The following AUTS2 variants were observed in gnomAD, a reference collection of about 807,000 sequenced individuals.
AUTS2 encodes the protein autism susceptibility gene 2 protein.
Under a neutral mutation model 112.4 loss-of-function variants are expected in AUTS2, and 17 were observed. The ratio of observed to expected loss-of-function variants is 0.15; its 90% confidence interval spans 0.10 to 0.23. The LOEUF (loss-of-function observed/expected upper bound fraction) is 0.23, where lower values mean the gene tolerates loss of function less well. Ranked by LOEUF, AUTS2 falls within the 10% of genes least tolerant of loss-of-function variation. AUTS2 has a pLI of 1.00. For missense variants in AUTS2, 1,510 were observed against 1,701.6 expected, an observed-to-expected ratio of 0.89 and a Z score of 1.98; for synonymous variants, 751 against 702.7, an observed-to-expected ratio of 1.07 and a Z score of -1.09.
At chr7:70,683,030 A>T (rs951075279) in intron 5 of AUTS2, among the ~76,000 whole-genome samples, 2 of 152,252 alleles carry the variant, frequency 1.3e-5, no homozygotes, top group East Asian at 3.8e-4. Context: ...TCATCAAAAC[A>T]GTCACACGTC....
chr7:69,632,596 T>TTCTCCCCTCTCCCC (rs1273979432), intron 1 of AUTS2, among the ~76,000 whole-genome samples: 4 of 125,826 alleles, frequency 3.2e-5, no homozygotes, highest in African/African-American at 1.2e-4. Flanking sequence ...CCCCTCTGCC[T>TTCTCCCCTCTCCCC]TCTCCCCTCT....
At chr7:69,950,811 A>G (rs147502733) in intron 2 of AUTS2, among the ~76,000 whole-genome samples, 215 of 152,244 alleles carry the variant, frequency 1.4e-3, no homozygotes, top group African/African-American at 5.1e-3. Context: ...TACTACATTT[A>G]CATATTTAGT....
At chr7:70,060,347 G>C (rs767595561) in intron 2 of AUTS2, among the ~76,000 whole-genome samples, 3 of 152,200 alleles carry the variant, frequency 2.0e-5, no homozygotes, top group Admixed American at 1.3e-4. Flanking sequence ...TTTTAAAATA[G>C]AGGAGAAAGC....
chr7:70,513,549 A>G (rs2116820887), intron 5 of AUTS2, among the ~76,000 whole-genome samples: 1 of 152,306 alleles, frequency 6.6e-6, no homozygotes, highest in South Asian at 2.1e-4. Context: ...AGCTTACTCC[A>G]TCTCAAATGG....
chr7:70,550,420 G>A (rs1460957877), intron 5 of AUTS2, among the ~76,000 whole-genome samples: 3 of 152,042 alleles, frequency 2.0e-5, no homozygotes, highest in Non-Finnish European at 4.4e-5. Flanking sequence ...GAAGGATGGG[G>A]GGATTGCCAA....
chr7:69,862,551 T>C (rs944763426), intron 1 of AUTS2, among the ~76,000 whole-genome samples: 7 of 151,918 alleles, frequency 4.6e-5, no homozygotes, highest in African/African-American at 1.7e-4. Flanking sequence ...TCTCTTTTGC[T>C]TTTTTTTAGG....
chr7:70,582,434 A>G (rs1262996416), intron 5 of AUTS2, among the ~76,000 whole-genome samples: 1 of 152,240 alleles, frequency 6.6e-6, no homozygotes, highest in African/African-American at 2.4e-5. Flanking sequence ...GAATGGCTGC[A>G]TGTGGAGAGT....
intron 5 of AUTS2, among the ~76,000 whole-genome samples, chr7:70,465,405 G>T (rs1797132645): frequency 6.6e-6 from 1 of 152,162 alleles, no homozygotes; most frequent in Non-Finnish European, 1.5e-5. Context: ...AGGCTACAGG[G>T]TATGTTAAAT....
At chr7:70,008,446 A>G (rs1250974087) in intron 2 of AUTS2, among the ~76,000 whole-genome samples, 1 of 152,102 alleles carries the variant, frequency 6.6e-6, no homozygotes, top group Non-Finnish European at 1.5e-5. Context: ...GGCATTCTTT[A>G]TTATATATTT....
At chr7:70,373,734 A>G (rs1349704382) in intron 4 of AUTS2, among the ~76,000 whole-genome samples, 1 of 152,230 alleles carries the variant, frequency 6.6e-6, no homozygotes, top group Admixed American at 6.5e-5. Flanking sequence ...AGTAAATTAT[A>G]TAAAATGTCT....
At chr7:70,461,010 C>T (rs1788171638) in intron 5 of AUTS2, among the ~76,000 whole-genome samples, 1 of 152,016 alleles carries the variant, frequency 6.6e-6, no homozygotes, top group Non-Finnish European at 1.5e-5. Context: ...ACAGATAAGT[C>T]TAGGAAGGCA....
At chr7:70,081,665 T>A (rs1354621378) in intron 2 of AUTS2, among the ~76,000 whole-genome samples, 1 of 152,230 alleles carries the variant, frequency 6.6e-6, no homozygotes, top group Non-Finnish European at 1.5e-5. Flanking sequence ...GTGTGAGATT[T>A]TTGGTTAACA....
At chr7:70,457,487 G>A (rs552757418) in intron 5 of AUTS2, among the ~76,000 whole-genome samples, 10 of 152,270 alleles carry the variant, frequency 6.6e-5, no homozygotes, top group Non-Finnish European at 1.2e-4. Flanking sequence ...GAATCCACCA[G>A]GAAACCCAGT....
chr7:70,227,718 T>C (rs905977615), intron 4 of AUTS2, among the ~76,000 whole-genome samples: 1 of 152,178 alleles, frequency 6.6e-6, no homozygotes, highest in Non-Finnish European at 1.5e-5. Flanking sequence ...TAGAAGTCTA[T>C]TGACATATTT....
intron 5 of AUTS2, among the ~76,000 whole-genome samples, chr7:70,555,549 C>A (rs1740251331): frequency 6.6e-6 from 1 of 152,128 alleles, no homozygotes; most frequent in Admixed American, 6.6e-5. Flanking sequence ...GGCACAGTGT[C>A]CTGTCTGGAG....
chr7:69,698,968 C>T (rs1377788787), intron 1 of AUTS2, among the ~76,000 whole-genome samples: 2 of 152,020 alleles, frequency 1.3e-5, no homozygotes, highest in Non-Finnish European at 2.9e-5. Flanking sequence ...TATATTTTTT[C>T]CTATGTTTAC....
At chr7:70,320,983 C>A (rs1263249357) in intron 4 of AUTS2, among the ~76,000 whole-genome samples, 1 of 152,196 alleles carries the variant, frequency 6.6e-6, no homozygotes, top group African/African-American at 2.4e-5. Flanking sequence ...GCAGTAAACA[C>A]CTTACAATAG....
intron 4 of AUTS2, among the ~76,000 whole-genome samples, chr7:70,275,042 C>T (rs891024415): frequency 1.3e-5 from 2 of 152,080 alleles, no homozygotes; most frequent in Non-Finnish European, 2.9e-5. Flanking sequence ...ATCCATAGAA[C>T]AGAATATTGT....
At chr7:70,478,674 C>T (rs1466961433) in intron 5 of AUTS2, among the ~76,000 whole-genome samples, 2 of 152,060 alleles carry the variant, frequency 1.3e-5, no homozygotes, top group Non-Finnish European at 2.9e-5. Context: ...CTCATGAGTC[C>T]TTCACACCAC....
Sources: gnomAD v4.1 joint callset for allele counts (sites outside exome capture counted in the v4.1 genomes callset) on GRCh38, gnomAD v4.1.1 for gene constraint, MANE v1.5 for transcripts, NCBI Gene and HGNC (gene_info 2026-07-23, HGNC 2026-07-21) for gene names.